The following ANO5 variants were observed in gnomAD, a reference collection of about 807,000 sequenced individuals.
The protein encoded by ANO5 is anoctamin-5.
ANO5 carries 109 observed loss-of-function variants against 121.0 expected under a neutral mutation model. The ratio of observed to expected loss-of-function variants is 0.90; its 90% CI spans 0.77 to 1.06. The LOEUF (loss-of-function observed/expected upper bound fraction) is 1.06, where lower values mean the gene tolerates loss of function less well. Ranked by LOEUF, ANO5 falls within the 50% of genes least tolerant of loss-of-function variation. The pLI, the probability that ANO5 is intolerant of heterozygous loss-of-function variation, is 0.00. For synonymous variants in ANO5, 406 were observed against 359.9 expected (o/e 1.13, Z -1.45); for missense variants, 1,064 against 1,078.5 (o/e 0.99, Z 0.19).
At chr11:22,277,634 CTCTG>C (rs969906914) in intron 21 of ANO5, among the ~76,000 whole-genome samples, 5 of 151,292 alleles carry the variant, frequency 3.3e-5, no homozygotes, top group Non-Finnish European at 5.9e-5. Context: ...TCTTTTCTCC[CTCTG>C]TCTCTTAGTT....
intron 1 of ANO5, among the ~76,000 whole-genome samples, chr11:22,193,999 C>G (rs923017921): frequency 1.3e-5 from 2 of 152,172 alleles, no homozygotes; most frequent in African/African-American, 4.8e-5. Context: ...TCTCTCTGCC[C>G]GTTACTTATC....
chr11:22,192,880 G>A (rs1182967371), upstream of ANO5: 1 of 715,966 alleles, frequency 1.4e-6, no homozygotes, highest in East Asian at 1.3e-4. Flanking sequence ...GTCCGGAGGA[G>A]GTGCGGGAGG....
intron 12 of ANO5, among the ~76,000 whole-genome samples, chr11:22,252,563 A>G (rs559126819): frequency 1.3e-5 from 2 of 152,180 alleles, no homozygotes; most frequent in African/African-American, 2.4e-5. Context: ...TATGATTCAC[A>G]TGTGCTTTTG....
rs548034750 is a variant in ANO5 at position 22,221,055 on chromosome 11, T to A, written c.181-42T>A. The stretch of plus-strand genomic sequence containing the variant: ...CTTTTGTGCTTTTGCCATTTCAGAA[T>A]AAAACTATAATTTACAATTGTGTCA... On this transcript the variant is annotated intron_variant, in intron 4 of 21. Transcript: ENST00000324559. The A allele has an allele frequency of 1.0e-3, 1,494 of 1,427,088 alleles. 30 individuals carry two copies. The South Asian group carries it at 0.014, about 13-fold the overall frequency. The allele number at this position is 1,427,088 out of a possible 1,614,324, so 88.4% of individuals were successfully genotyped here. A position where few individuals can be genotyped will look rare whatever the true frequency, so the allele number is the denominator to read the frequency against.
chr11:22,275,908 T>C (rs1854822245), intron 20 of ANO5, among the ~76,000 whole-genome samples, 186 bp from the exon 21 acceptor site: 1 of 151,708 alleles, frequency 6.6e-6, no homozygotes, highest in South Asian at 2.1e-4. Context: ...TGCACATAAG[T>C]AGCATATACC....
Position 22,266,927 on chromosome 11 carries a change from T to C in ANO5, c.1899-3385T>C, listed in dbSNP as rs76218207. 0.013 allele frequency among the ~76,000 whole-genome samples: 2,042 copies of C among 152,300 alleles called. 146 individuals are homozygous for C. In the East Asian group the frequency reaches 0.21, roughly 15 times the overall value. On this transcript the variant is annotated intron_variant, in intron 17 of 21. Transcript: ENST00000324559. Reference sequence around the variant, plus strand: ...ATCTCCAGAGAGTGCAATTGTGTCATTGTGGGCAAAATTACTCCCAGTTGG... The same window carrying C: ...ATCTCCAGAGAGTGCAATTGTGTCACTGTGGGCAAAATTACTCCCAGTTGG...
chr11:22,194,653 C>T (rs1851753528), intron 1 of ANO5, among the ~76,000 whole-genome samples: 1 of 152,154 alleles, frequency 6.6e-6, no homozygotes, highest in South Asian at 2.1e-4. Context: ...TATAGATTTG[C>T]CTATTCAAGA....
chr11:22,245,989 G>A (rs2133688583), intron 9 of ANO5, among the ~76,000 whole-genome samples: 1 of 152,164 alleles, frequency 6.6e-6, no homozygotes, highest in Admixed American at 6.5e-5. Flanking sequence ...GTGTGTGCTG[G>A]ACCTGAAGCT....
At chr11:22,196,697 CA>C (rs1301260765) in intron 1 of ANO5, among the ~76,000 whole-genome samples, 25 of 152,114 alleles carry the variant, frequency 1.6e-4, no homozygotes, top group Admixed American at 3.3e-4. Context: ...GGTGAAACCC[CA>C]TCTCTACTAA....
chr11:22,232,321 C>T (rs949635467), intron 7 of ANO5, among the ~76,000 whole-genome samples: 8 of 151,860 alleles, frequency 5.3e-5, no homozygotes, highest in South Asian at 2.1e-4. Context: ...CATCTAGATA[C>T]GCAATTTTGT....
At chr11:22,196,782 T>A (rs1373548725) in intron 1 of ANO5, among the ~76,000 whole-genome samples, 1 of 152,112 alleles carries the variant, frequency 6.6e-6, no homozygotes, top group Non-Finnish European at 1.5e-5. Context: ...AGTGGGAGAA[T>A]CCCTTGAACC....
chr11:22,246,629 G>C (rs1409881687), intron 9 of ANO5, among the ~76,000 whole-genome samples: 2 of 151,902 alleles, frequency 1.3e-5, no homozygotes, highest in Admixed American at 6.6e-5. Context: ...TTTAGGTCAG[G>C]AGTTTGAGAC....
intron 17 of ANO5, among the ~76,000 whole-genome samples, chr11:22,266,168 G>A (rs1854358535): frequency 6.6e-6 from 1 of 152,090 alleles, no homozygotes; most frequent in African/African-American, 2.4e-5. Context: ...TAAAATTTAA[G>A]ATAATGGTTA....
chr11:22,220,984 A>T, intron 4 of ANO5, 113 bp from the exon 5 acceptor site: 1 of 760,110 alleles, frequency 1.3e-6, no homozygotes, highest in Non-Finnish European at 2.2e-6. Context: ...TCTGTTGCTG[A>T]AAACTCTGGT....
chr11:22,279,507 C>T, intron 21 of ANO5, 37 bp from the exon 22 acceptor site: 1 of 1,550,594 alleles, frequency 6.4e-7, no homozygotes, highest in Non-Finnish European at 8.9e-7. Flanking sequence ...TGTGACACCT[C>T]TAACAGCGTC....
At chr11:22,276,824 G>A (rs1854870347) in intron 21 of ANO5, among the ~76,000 whole-genome samples, 1 of 151,374 alleles carries the variant, frequency 6.6e-6, no homozygotes, top group African/African-American at 2.4e-5. Context: ...GGCCTATCAG[G>A]GAGAGAAAAT....
At chr11:22,243,019 A>T (rs987356470) in intron 9 of ANO5, among the ~76,000 whole-genome samples, 3 of 151,926 alleles carry the variant, frequency 2.0e-5, no homozygotes, top group African/African-American at 7.2e-5. Context: ...CCCATTCAGT[A>T]TGATGTTGGT....
intron 3 of ANO5, 112 bp downstream of exon 3, chr11:22,211,426 C>T (rs762089225): frequency 9.4e-5 from 117 of 1,250,826 alleles, no homozygotes; most frequent in South Asian, 2.4e-5. Flanking sequence ...TGCTCTCATA[C>T]ATGGTATTTG....
chr11:22,264,955 T>A (rs1854312608), intron 17 of ANO5, among the ~76,000 whole-genome samples: 1 of 152,096 alleles, frequency 6.6e-6, no homozygotes, highest in Non-Finnish European at 1.5e-5. Flanking sequence ...AAAAATAAAA[T>A]AAGGGTATGT....
Sources: allele counts gnomAD v4.1 joint callset (sites outside exome capture counted in the v4.1 genomes callset), GRCh38; gene constraint gnomAD v4.1.1; transcripts MANE v1.5; gene names NCBI Gene and HGNC (gene_info 2026-07-23, HGNC 2026-07-21).